The following STK3 variants were observed in gnomAD, a reference collection of about 807,000 sequenced individuals.
STK3 encodes the protein serine/threonine-protein kinase 3.
In STK3, 41 loss-of-function variants were observed where a neutral mutation model predicts 58.0. That is an observed-to-expected ratio of 0.71 (90% CI 0.55 to 0.92). The LOEUF (loss-of-function observed/expected upper bound fraction) is 0.92, where lower values mean the gene tolerates loss of function less well. Ranked by LOEUF, STK3 falls within the 40% of genes least tolerant of loss-of-function variation. The probability of loss-of-function intolerance (pLI) is 0.00; values close to 1 mark genes in which losing one functional copy is unlikely to be tolerated. For missense variants in STK3, 479 were observed against 602.7 expected, an observed-to-expected ratio of 0.79 and a Z score of 2.15; for synonymous variants, 170 against 191.0, an observed-to-expected ratio of 0.89 and a Z score of 0.91.
At chr8:98,666,374 T>TA (rs1023181014) in intron 6 of STK3, among the ~76,000 whole-genome samples, 6 of 152,124 alleles carry the variant, frequency 3.9e-5, no homozygotes, top group Non-Finnish European at 7.4e-5. Context: ...AACCTTATAG[T>TA]AAAAAACAGC....
intron 6 of STK3, among the ~76,000 whole-genome samples, chr8:98,655,649 A>G (rs2130750238): frequency 6.6e-6 from 1 of 151,824 alleles, no homozygotes; most frequent in East Asian, 1.9e-4. Flanking sequence ...GAAAAAAACA[A>G]ACAACCCCAT....
chr8:98,485,488 C>T (rs1376537118), intron 10 of STK3, among the ~76,000 whole-genome samples: 1 of 152,148 alleles, frequency 6.6e-6, no homozygotes, highest in Non-Finnish European at 1.5e-5. Context: ...CAAGAACATA[C>T]ACAGTCACAA....
chr8:98,821,238 C>CTGTG (rs1834879780), intron 1 of STK3, among the ~76,000 whole-genome samples: 1 of 152,138 alleles, frequency 6.6e-6, no homozygotes, highest in South Asian at 2.1e-4. Context: ...CCCTATTGTG[C>CTGTG]TGTGCATGCA....
At chr8:98,886,006 G>A (rs72668430) in intron 1 of STK3, among the ~76,000 whole-genome samples, 10,439 of 152,230 alleles carry the variant, frequency 0.069, 429 homozygotes, top group South Asian at 0.1. Flanking sequence ...AAAATGACCA[G>A]ATGATAGACA....
At chr8:98,826,170 T>A (rs1835293691), upstream of STK3, among the ~76,000 whole-genome samples, 1 of 152,228 alleles carries the variant, frequency 6.6e-6, no homozygotes, top group African/African-American at 2.4e-5. Flanking sequence ...CGGTTTGCCC[T>A]GATCCAATTT....
At chr8:98,930,819 G>A (rs1219218841) in intron 1 of STK3, among the ~76,000 whole-genome samples, 1 of 152,172 alleles carries the variant, frequency 6.6e-6, no homozygotes, top group East Asian at 1.9e-4. Flanking sequence ...TTAATTGTCA[G>A]AGACAGTGAC....
rs115283266 is a variant in STK3 at position 98,753,925 on chromosome 8, G to T, written c.237-4535C>A. On this transcript the variant is annotated intron_variant, in intron 3 of 10. Coordinates refer to ENST00000419617, the MANE Select transcript of STK3 (RefSeq NM_006281.4). ...GTCTATGCTACATACAGTTGACAAGGTACCTTACTTTAAAACAAAAGTAAA... is the reference window on the plus strand; with the variant it reads ...GTCTATGCTACATACAGTTGACAAGTTACCTTACTTTAAAACAAAAGTAAA... Among the ~76,000 whole-genome samples, 132 of 152,188 alleles carry T rather than the reference G, an allele frequency of 8.7e-4. 1 individual carries two copies. The highest frequency in any genetic ancestry group is 3.0e-3 in the African/African-American group (123 of 41,508).
At chr8:98,502,897 T>A (rs2131369966) in intron 10 of STK3, among the ~76,000 whole-genome samples, 1 of 152,332 alleles carries the variant, frequency 6.6e-6, no homozygotes, top group East Asian at 1.9e-4. Context: ...GGCTTTGGTA[T>A]CAGGATGATG....
At chr8:98,699,548 T>C (rs1248280502) in intron 6 of STK3, among the ~76,000 whole-genome samples, 247 of 150,726 alleles carry the variant, frequency 1.6e-3, no homozygotes, top group African/African-American at 5.8e-3. Flanking sequence ...TTGGTGTGGA[T>C]GTCCTTTCTG....
intron 4 of STK3, among the ~76,000 whole-genome samples, chr8:98,716,122 C>T (rs1457624418): frequency 3.3e-5 from 5 of 151,782 alleles, no homozygotes; most frequent in South Asian, 2.1e-4. Context: ...CATCACACAC[C>T]GGGGCCTGTT....
At chr8:98,711,822 C>T (rs1214338599) in intron 4 of STK3, among the ~76,000 whole-genome samples, 2 of 152,118 alleles carry the variant, frequency 1.3e-5, no homozygotes, top group Admixed American at 6.5e-5. Context: ...AACTCCAAGA[C>T]ACATAATTGT....
chr8:98,770,817 A>C (rs1319507374), intron 2 of STK3, among the ~76,000 whole-genome samples: 1 of 152,224 alleles, frequency 6.6e-6, no homozygotes. Context: ...GGCAACAGCT[A>C]TTCACCTGAG....
chr8:98,637,348 C>G (rs6996853), intron 6 of STK3, among the ~76,000 whole-genome samples: 3 of 151,940 alleles, frequency 2.0e-5, no homozygotes, highest in African/African-American at 7.3e-5. Context: ...TTGCTTTTTA[C>G]TGAGTCCAGA....
At chr8:98,673,702 T>C (rs187678132) in intron 6 of STK3, among the ~76,000 whole-genome samples, 22 of 152,138 alleles carry the variant, frequency 1.4e-4, no homozygotes, top group Middle Eastern at 6.8e-3. Context: ...TAGATAAGAG[T>C]TCTGAAGGCC....
chr8:98,589,822 C>G (rs935553022), intron 7 of STK3, among the ~76,000 whole-genome samples: 1 of 152,208 alleles, frequency 6.6e-6, no homozygotes, highest in Non-Finnish European at 1.5e-5. Context: ...TTAAGCCCGT[C>G]GGAAAAGTGC....
At chr8:98,873,775 A>G (rs1837466370) in intron 3 of STK3, among the ~76,000 whole-genome samples, 2 of 151,922 alleles carry the variant, frequency 1.3e-5, no homozygotes, top group South Asian at 4.2e-4. Flanking sequence ...CAGCACACTG[A>G]TGGGTCTTGA....
intron 1 of STK3, among the ~76,000 whole-genome samples, chr8:98,789,921 G>A (rs1425840262): frequency 7.2e-5 from 11 of 151,828 alleles, no homozygotes; most frequent in Non-Finnish European, 1.6e-4. Context: ...CCAGCTACTC[G>A]GGAGGCTGAG....
chr8:98,816,824 G>T (rs1053258596), intron 1 of STK3, among the ~76,000 whole-genome samples: 1 of 152,036 alleles, frequency 6.6e-6, no homozygotes, highest in Non-Finnish European at 1.5e-5. Flanking sequence ...GTGAGCCACC[G>T]TGTCTGGCCA....
chr8:98,756,282 T>A (rs186966150), intron 3 of STK3, among the ~76,000 whole-genome samples: 1 of 152,184 alleles, frequency 6.6e-6, no homozygotes, highest in African/African-American at 2.4e-5. Flanking sequence ...GATGCAAAAC[T>A]TAACGAGAAG....
Sources: gnomAD v4.1 joint callset for allele counts (sites outside exome capture counted in the v4.1 genomes callset) on GRCh38, gnomAD v4.1.1 for gene constraint, MANE v1.5 for transcripts, NCBI Gene and HGNC (gene_info 2026-07-23, HGNC 2026-07-21) for gene names.